Variants in SUGCT observed in about 807,000 individuals in gnomAD.
SUGCT encodes succinyl-CoA:glutarate-CoA transferase.
Under a neutral mutation model 55.0 loss-of-function variants are expected in SUGCT, and 41 were observed. The observed-to-expected ratio is 0.74, with a 90% CI of 0.58 to 0.97. SUGCT has a LOEUF of 0.97. Among genes scored for constraint, SUGCT ranks in the 50% least tolerant of loss-of-function variants. SUGCT has a pLI of 0.00. For synonymous variants in SUGCT, 187 were observed against 200.4 expected (o/e 0.93, Z 0.56); for missense variants, 568 against 547.8 (o/e 1.04, Z -0.37).
intron 12 of SUGCT, among the ~76,000 whole-genome samples, chr7:40,633,973 A>C (rs1468743449): frequency 6.6e-6 from 1 of 152,104 alleles, no homozygotes; most frequent in Non-Finnish European, 1.5e-5. Flanking sequence ...TAAATATGAA[A>C]TTTTATCTCT....
chr7:41,018,003 A>G, the SUGCT span, among the ~76,000 whole-genome samples: 1 of 151,346 alleles, frequency 6.6e-6, no homozygotes, highest in African/African-American at 2.4e-5. Flanking sequence ...AAAAGCCACA[A>G]TGGGCTAGAT....
At chr7:40,316,587 G>C (rs1387400296) in intron 8 of SUGCT, among the ~76,000 whole-genome samples, 173 bp from the exon 9 acceptor site, 1 of 152,078 alleles carries the variant, frequency 6.6e-6, no homozygotes, top group Non-Finnish European at 1.5e-5. Flanking sequence ...GTGTAATGCC[G>C]TTCTTCATTT....
chr7:40,241,150 T>C (rs1789354903), intron 7 of SUGCT, among the ~76,000 whole-genome samples: 1 of 152,230 alleles, frequency 6.6e-6, no homozygotes, highest in African/African-American at 2.4e-5. Flanking sequence ...GATAATCTCA[T>C]ATATTTCTCT....
chr7:40,805,913 C>T (rs1261647873), intron 13 of SUGCT, among the ~76,000 whole-genome samples: 3 of 152,188 alleles, frequency 2.0e-5, no homozygotes, highest in Admixed American at 6.5e-5. Context: ...ATCTATGGCA[C>T]GTTAGAGACA....
chr7:40,685,392 C>T (rs1304563467), intron 12 of SUGCT, among the ~76,000 whole-genome samples: 2 of 152,202 alleles, frequency 1.3e-5, no homozygotes, highest in African/African-American at 4.8e-5. Flanking sequence ...TGCTGTTTGA[C>T]TGTCTTCCTG....
intron 12 of SUGCT, among the ~76,000 whole-genome samples, chr7:40,633,629 T>G (rs1799893336): frequency 6.6e-6 from 1 of 152,106 alleles, no homozygotes; most frequent in East Asian, 1.9e-4. Flanking sequence ...AAAGAGCCAG[T>G]CCTCACCTGG....
At chr7:40,774,434 A>G (rs1789345518) in intron 13 of SUGCT, among the ~76,000 whole-genome samples, 1 of 152,198 alleles carries the variant, frequency 6.6e-6, no homozygotes, top group African/African-American at 2.4e-5. Flanking sequence ...AATAGATGTT[A>G]TTAATTAATC....
At chr7:40,351,436 A>G (rs905535931) in intron 9 of SUGCT, among the ~76,000 whole-genome samples, 1 of 151,820 alleles carries the variant, frequency 6.6e-6, no homozygotes, top group African/African-American at 2.4e-5. Flanking sequence ...CAAACTTCCT[A>G]ATTCCTTGAG....
intron 13 of SUGCT, among the ~76,000 whole-genome samples, chr7:40,838,848 T>C (rs1445370220): frequency 6.6e-6 from 1 of 152,192 alleles, no homozygotes; most frequent in Non-Finnish European, 1.5e-5. Context: ...ATATAGTCTT[T>C]TATCATTAAG....
At chr7:40,934,333 A>G in the SUGCT span, among the ~76,000 whole-genome samples, 1 of 152,038 alleles carries the variant, frequency 6.6e-6, no homozygotes, top group Non-Finnish European at 1.5e-5. Context: ...AGGGGCACCT[A>G]CCTGTATGAG....
the SUGCT span, among the ~76,000 whole-genome samples, chr7:40,934,571 C>T: frequency 6.6e-6 from 1 of 152,220 alleles, no homozygotes; most frequent in Non-Finnish European, 1.5e-5. Context: ...AGGCAGTAGG[C>T]CTTGCTGAAC....
At chr7:40,636,723 G>A (rs1213950695) in intron 12 of SUGCT, among the ~76,000 whole-genome samples, 1 of 152,120 alleles carries the variant, frequency 6.6e-6, no homozygotes, top group Non-Finnish European at 1.5e-5. Context: ...ATATAACATT[G>A]TGAATGTATT....
chr7:40,434,792 T>C (rs560960430), intron 9 of SUGCT, among the ~76,000 whole-genome samples: 1 of 152,312 alleles, frequency 6.6e-6, no homozygotes, highest in East Asian at 1.9e-4. Context: ...CAGGTGCTTG[T>C]TGCCTGCTAC....
chr7:40,370,853 G>A (rs1784262858), intron 9 of SUGCT, among the ~76,000 whole-genome samples: 1 of 152,000 alleles, frequency 6.6e-6, no homozygotes, highest in Non-Finnish European at 1.5e-5. Context: ...AAATATAAGT[G>A]CTATTTGCTT....
At chr7:40,490,719 G>T (rs1583819036) in intron 11 of SUGCT, among the ~76,000 whole-genome samples, 1 of 152,096 alleles carries the variant, frequency 6.6e-6, no homozygotes, top group South Asian at 2.1e-4. Flanking sequence ...GATTTTTAAG[G>T]TCATTTGAAT....
At chr7:41,013,221 A>G in the SUGCT span, among the ~76,000 whole-genome samples, 1 of 152,218 alleles carries the variant, frequency 6.6e-6, no homozygotes, top group African/African-American at 2.4e-5. Flanking sequence ...TTGGCTGACC[A>G]GTCATTTATC....
At chr7:40,656,144 A>C (rs1801009571) in intron 12 of SUGCT, among the ~76,000 whole-genome samples, 1 of 152,190 alleles carries the variant, frequency 6.6e-6, no homozygotes, top group South Asian at 2.1e-4. Flanking sequence ...GAAAAGATAA[A>C]GCAAGATTAA....
At chr7:40,452,189 G>A (rs112851893) in intron 10 of SUGCT, among the ~76,000 whole-genome samples, 269 of 152,318 alleles carry the variant, frequency 1.8e-3, no homozygotes, top group African/African-American at 6.2e-3. Flanking sequence ...AGAAAATCTT[G>A]TTGTGTATAA....
intron 12 of SUGCT, among the ~76,000 whole-genome samples, chr7:40,720,004 T>C (rs1786237133): frequency 6.6e-6 from 1 of 152,140 alleles, no homozygotes; most frequent in Non-Finnish European, 1.5e-5. Flanking sequence ...CAGGCTGGTC[T>C]CGATCTCCTA....
Sources: gnomAD v4.1 joint callset for allele counts (sites outside exome capture counted in the v4.1 genomes callset) on GRCh38, gnomAD v4.1.1 for gene constraint, MANE v1.5 for transcripts, NCBI Gene and HGNC (gene_info 2026-07-23, HGNC 2026-07-21) for gene names.